FLI1: variants seen among roughly 807,000 people sequenced by gnomAD.
The protein encoded by FLI1 is Fli-1 proto-oncogene, ETS transcription factor, also known as Friend leukemia integration 1 transcription factor.
In FLI1, 13 loss-of-function variants were observed where a neutral mutation model predicts 53.1. The ratio of observed to expected loss-of-function variants is 0.24; its 90% confidence interval spans 0.16 to 0.39. The LOEUF (loss-of-function observed/expected upper bound fraction) is 0.39, where lower values mean the gene tolerates loss of function less well. Ranked by LOEUF, FLI1 falls within the 10% of genes least tolerant of loss-of-function variation. The pLI is 1.00. For missense variants in FLI1, 424 were observed against 600.5 expected, an observed-to-expected ratio of 0.71 and a Z score of 3.07; for synonymous variants, 244 against 236.7, an observed-to-expected ratio of 1.03 and a Z score of -0.28.
At chr11:128,719,603 C>T (rs940991353) in intron 1 of FLI1, among the ~76,000 whole-genome samples, 3 of 152,088 alleles carry the variant, frequency 2.0e-5, no homozygotes, top group Non-Finnish European at 4.4e-5. Context: ...TGAAGGGCAA[C>T]GGAGACTTAC....
At chr11:128,761,467 G>A in intron 2 of FLI1, among the ~76,000 whole-genome samples, 1 of 152,222 alleles carries the variant, frequency 6.6e-6, no homozygotes. Context: ...AGAACACATG[G>A]CTGAGCAGAC....
intron 1 of FLI1, among the ~76,000 whole-genome samples, chr11:128,749,305 T>C (rs745714106): frequency 6.6e-6 from 1 of 152,230 alleles, no homozygotes; most frequent in African/African-American, 2.4e-5. Flanking sequence ...CGAAACCTAG[T>C]GGCATAAACC....
intron 1 of FLI1, among the ~76,000 whole-genome samples, chr11:128,746,027 G>A (rs569015644): frequency 2.6e-5 from 4 of 152,344 alleles, no homozygotes; most frequent in Admixed American, 2.0e-4. Context: ...CAGTCACTGG[G>A]TGTGGCTGCT....
chr11:128,692,351 G>T (rs1420732324), upstream of FLI1, among the ~76,000 whole-genome samples: 2 of 152,244 alleles, frequency 1.3e-5, no homozygotes, highest in African/African-American at 4.8e-5. Flanking sequence ...CAGATGTGGC[G>T]GTCCCAGGGG....
chr11:128,752,838 G>A (rs376804480), intron 1 of FLI1, among the ~76,000 whole-genome samples: 5 of 152,214 alleles, frequency 3.3e-5, no homozygotes, highest in Admixed American at 6.5e-5. Flanking sequence ...GACAGAGGGT[G>A]TATTATATCA....
At chr11:128,712,685 G>T (rs1021098429) in intron 1 of FLI1, among the ~76,000 whole-genome samples, 2 of 152,182 alleles carry the variant, frequency 1.3e-5, no homozygotes, top group Non-Finnish European at 2.9e-5. Flanking sequence ...TCACTATCAT[G>T]AGAACAGCAC....
intron 1 of FLI1, among the ~76,000 whole-genome samples, chr11:128,755,807 T>C (rs973214237): frequency 2.0e-5 from 3 of 152,214 alleles, no homozygotes; most frequent in Non-Finnish European, 4.4e-5. Context: ...GCAACTCTGC[T>C]TTGAATGTAT....
chr11:128,712,474 T>C (rs1454111130), intron 1 of FLI1, among the ~76,000 whole-genome samples: 2 of 152,206 alleles, frequency 1.3e-5, no homozygotes, highest in African/African-American at 4.8e-5. Context: ...TTAGTCTGTT[T>C]TCACATTGCT....
upstream of FLI1, among the ~76,000 whole-genome samples, chr11:128,692,485 G>A (rs1937788774): frequency 7.4e-6 from 1 of 135,188 alleles, no homozygotes; most frequent in Non-Finnish European, 1.6e-5. Context: ...TTGCTGGCAG[G>A]CTGCACCCGC....
chr11:128,738,615 G>A (rs942074961), intron 1 of FLI1, among the ~76,000 whole-genome samples: 1 of 152,220 alleles, frequency 6.6e-6, no homozygotes, highest in Non-Finnish European at 1.5e-5. Context: ...TGTGACATTG[G>A]ACAAATCACA....
intron 2 of FLI1, chr11:128,764,685 G>T (rs1381618479): frequency 1.3e-6 from 2 of 1,539,478 alleles, no homozygotes; most frequent in South Asian, 1.2e-5. Context: ...AGCCTTTTAT[G>T]CTGGGCTTCA....
rs887474904 is a variant in FLI1, at chr11:128,768,491, C to T, written c.385+219C>T. On this transcript the variant is annotated intron_variant, in intron 3 of 8. Transcript: ENST00000527786. ...GTCAGGAGTTCAAGACCAGCCTAGCCAACGTGGTGAAACCTCATCTCTACT... is the reference window on the plus strand; with the variant it reads ...GTCAGGAGTTCAAGACCAGCCTAGCTAACGTGGTGAAACCTCATCTCTACT... 33 of 548,612 alleles carry T rather than the reference C, an allele frequency of 6.0e-5. 1 individual carries two copies. In the South Asian group the frequency reaches 6.3e-4, roughly 10 times the overall value. 34.0% of individuals were successfully genotyped at this position (548,612 alleles called of 1,614,324 possible). A position where few individuals can be genotyped will look rare whatever the true frequency, so the allele number is the denominator to read the frequency against.
chr11:128,797,548 T>A (rs945813071), intron 5 of FLI1, among the ~76,000 whole-genome samples: 2 of 152,246 alleles, frequency 1.3e-5, no homozygotes, highest in Non-Finnish European at 2.9e-5. Context: ...TTTTCTCTTC[T>A]TCATAGCATT....
intron 2 of FLI1, among the ~76,000 whole-genome samples, chr11:128,759,686 A>C (rs1244751799): frequency 6.6e-6 from 1 of 152,230 alleles, no homozygotes; most frequent in Non-Finnish European, 1.5e-5. Context: ...GAAAGGTGGC[A>C]CAGGAAATGC....
At chr11:128,807,362 G>A (rs1942810692) in intron 7 of FLI1, 123 bp downstream of exon 7, 2 of 588,248 alleles carry the variant, frequency 3.4e-6, no homozygotes, top group South Asian at 3.4e-5. Context: ...TCTCAAAGAG[G>A]GTCTATCTTT....
At chr11:128,701,768 G>A (rs1433372965) in intron 1 of FLI1, among the ~76,000 whole-genome samples, 1 of 152,172 alleles carries the variant, frequency 6.6e-6, no homozygotes, top group Non-Finnish European at 1.5e-5. Context: ...TGTGTCCAAG[G>A]CAATGAAAGA....
intron 1 of FLI1, among the ~76,000 whole-genome samples, chr11:128,687,584 C>G (rs1038336983): frequency 6.6e-6 from 1 of 152,168 alleles, no homozygotes; most frequent in Non-Finnish European, 1.5e-5. Context: ...ATCCTGAAGC[C>G]CCGCCTCCAA....
chr11:128,709,311 C>A (rs1377727644), intron 1 of FLI1, among the ~76,000 whole-genome samples: 1 of 152,172 alleles, frequency 6.6e-6, no homozygotes, highest in African/African-American at 2.4e-5. Context: ...AGTTATTATT[C>A]TCATTCAAGT....
chr11:128,746,234 G>A (rs911001272), intron 1 of FLI1, among the ~76,000 whole-genome samples: 1 of 152,082 alleles, frequency 6.6e-6, no homozygotes, highest in African/African-American at 2.4e-5. Flanking sequence ...CCAACAACTG[G>A]GGATGAAAAC....
Sources: gnomAD v4.1 joint callset for allele counts (sites outside exome capture counted in the v4.1 genomes callset) on GRCh38, gnomAD v4.1.1 for gene constraint, MANE v1.5 for transcripts, NCBI Gene and HGNC (gene_info 2026-07-23, HGNC 2026-07-21) for gene names.